Variants in KCNA2 observed in about 807,000 individuals in gnomAD.
KCNA2 encodes potassium channel, voltage gated shaker related subfamily A, member 2.
KCNA2 carries 11 observed loss-of-function variants against 33.4 expected under a neutral mutation model. The ratio of observed to expected loss-of-function variants is 0.33; its 90% CI spans 0.21 to 0.55. The LOEUF is 0.55. Ranked by LOEUF, KCNA2 falls within the 20% of genes least tolerant of loss-of-function variation. KCNA2 has a pLI of 0.93. For missense variants in KCNA2, 291 were observed against 621.6 expected (o/e 0.47, Z 5.66); for synonymous variants, 222 against 231.3 (o/e 0.96, Z 0.37).
In KCNA2 at chr1:110,600,282, C is replaced by T. The variant is rs555461182; in HGVS notation, c.*3001G>A. ...TAAGTTAATGCATCGTGTGTATATA[C>T]TGAGTTTGTGTGTATTTTATGTGTA... On this transcript the variant is annotated 3_prime_UTR_variant, in exon 3 of 3. Transcript: ENST00000316361. 2 of 982,510 alleles carry T rather than the reference C, an allele frequency of 2.0e-6. No homozygotes were observed. The highest frequency in any genetic ancestry group is 2.4e-6 in the Non-Finnish European group (2 of 829,410). The allele number at this position is 982,510 out of a possible 1,614,324, so 60.9% of individuals were successfully genotyped here. A position where few individuals can be genotyped will look rare whatever the true frequency, so the allele number is the denominator to read the frequency against.
intron 1 of KCNA2, among the ~76,000 whole-genome samples, chr1:110,622,895 ACTT>A (rs762617223): frequency 6.6e-6 from 1 of 152,234 alleles, no homozygotes; most frequent in African/African-American, 2.4e-5. Context: ...TCAAGACATC[ACTT>A]CTTCTTAAAT....
At chr1:110,607,183 C>T (rs1390820688), upstream of KCNA2, 1 of 152,206 alleles carries the variant, frequency 6.6e-6, no homozygotes, top group Non-Finnish European at 1.5e-5. Context: ...TGCCCCGCAG[C>T]CCCTCTGGGC....
chr1:110,623,837 T>G (rs1233898447), intron 1 of KCNA2, among the ~76,000 whole-genome samples: 1 of 151,640 alleles, frequency 6.6e-6, no homozygotes, highest in Non-Finnish European at 1.5e-5. Context: ...CATATACTAA[T>G]GGATAATAAG....
rs546200897 is a variant in KCNA2 at position 110,605,877 on chromosome 1, T to C, written c.-495-155A>G. ...GCCTGAGGACTATCCCTCAGCCTCC[T>C]TGCCTCTTCTGGGCAGGCTTCCCAT... On this transcript the variant is annotated intron_variant, in intron 1 of 2. Transcript: ENST00000316361. 4.9e-3 allele frequency: 749 copies of C among 152,376 alleles called. 5 individuals are homozygous for C. Among genetic ancestry groups the C allele is most frequent in the Non-Finnish European group, 6.8e-3 (464 of 68,066 alleles). 9.4% of individuals were successfully genotyped at this position (152,376 alleles called of 1,614,324 possible).
chr1:110,616,351 G>A (rs1298045208), intron 1 of KCNA2, among the ~76,000 whole-genome samples: 1 of 152,192 alleles, frequency 6.6e-6, no homozygotes, highest in Non-Finnish European at 1.5e-5. Flanking sequence ...CAGTTGTCAG[G>A]TCAGCTCTGT....
chr1:110,618,346 G>A (rs552705410), intron 1 of KCNA2, among the ~76,000 whole-genome samples: 2 of 152,306 alleles, frequency 1.3e-5, no homozygotes, highest in South Asian at 4.1e-4. Context: ...CTGTCAGTGT[G>A]TGAGAAAAGG....
At position 110,599,503 on chromosome 1, in the gene KCNA2, C is replaced by T; in HGVS notation, c.*3780G>A. The T allele has an allele frequency of 2.0e-6, 2 of 985,204 alleles. No homozygotes were observed. 61.0% of individuals were successfully genotyped at this position (985,204 alleles called of 1,614,324 possible). On this transcript the variant is annotated 3_prime_UTR_variant, in exon 3 of 3. Transcript: ENST00000316361. Reference sequence around the variant, plus strand: ...AAGAGCGTGCCCGGGATTGAACACACCCAGAGGGGAATCAGGAGTTGGCCC... The same window carrying T: ...AAGAGCGTGCCCGGGATTGAACACATCCAGAGGGGAATCAGGAGTTGGCCC...
chr1:110,600,187 T>C lies in KCNA2; in HGVS notation c.*3096A>G, dbSNP rs1649276098. 5 of 983,656 alleles carry C rather than the reference T, an allele frequency of 5.1e-6. No individual in the cohort carries two copies. The highest frequency in any genetic ancestry group is 4.8e-6 in the Non-Finnish European group (4 of 829,650). The allele number at this position is 983,656 out of a possible 1,614,324, so 60.9% of individuals were successfully genotyped here. A position where few individuals can be genotyped will look rare whatever the true frequency, so the allele number is the denominator to read the frequency against. On this transcript the variant is annotated 3_prime_UTR_variant, in exon 3 of 3. Transcript: ENST00000316361. ...GGGGGCAGGGCAATGGGTCTGAGTA[T>C]ATGTCTGCATTTCATGTGTATTGTG...
intron 1 of KCNA2, among the ~76,000 whole-genome samples, chr1:110,617,341 G>C (rs1177792479): frequency 6.6e-6 from 1 of 152,222 alleles, no homozygotes; most frequent in African/African-American, 2.4e-5. Context: ...GGAGTGCCAG[G>C]AGCGAGCAGT....
intron 1 of KCNA2, among the ~76,000 whole-genome samples, chr1:110,628,817 C>A (rs1193883211): frequency 6.6e-6 from 1 of 152,156 alleles, no homozygotes; most frequent in Non-Finnish European, 1.5e-5. Flanking sequence ...CTCCCCCAAC[C>A]AGATCCTTCA....
chr1:110,626,204 G>T (rs1444332795), intron 1 of KCNA2, among the ~76,000 whole-genome samples: 2 of 152,156 alleles, frequency 1.3e-5, no homozygotes, highest in East Asian at 3.8e-4. Flanking sequence ...CAGCCCAAGT[G>T]TCTATCACTA....
Position 110,599,846 on chromosome 1 carries a change from G to A in KCNA2, c.*3437C>T. On this transcript the variant is annotated 3_prime_UTR_variant, in exon 3 of 3. Transcript: ENST00000316361. Reference sequence around the variant, plus strand: ...GTGCGGATTTGCTGGAAGGAAGGAAGGGTCATGGCAAGGAGGCCTATATTA... The same window carrying A: ...GTGCGGATTTGCTGGAAGGAAGGAAAGGTCATGGCAAGGAGGCCTATATTA... 9 of 985,466 alleles carry A rather than the reference G, an allele frequency of 9.1e-6. No homozygotes were observed. Among genetic ancestry groups the A allele is most frequent in the Non-Finnish European group, 9.6e-6 (8 of 829,996 alleles). The allele number at this position is 985,466 out of a possible 1,614,324, so 61.0% of individuals were successfully genotyped here.
chr1:110,611,240 C>A (rs1000817210), upstream of KCNA2, among the ~76,000 whole-genome samples: 5 of 152,212 alleles, frequency 3.3e-5, no homozygotes, highest in African/African-American at 1.2e-4. Context: ...CATTTGAGAA[C>A]TTCCCTTGGA....
Position 110,627,969 on chromosome 1 carries a change from C to T in KCNA2, c.-496+3426G>A, listed in dbSNP as rs72681752. The stretch of plus-strand genomic sequence containing the variant: ...GTACTGAAAGTAGTGCAATGCAATG[C>T]GGGAAACATATTTAGAGGGACTACT... On this transcript the variant is annotated intron_variant, in intron 1 of 4. Coordinates refer to the KCNA2 transcript ENST00000369770. 7.9e-3 allele frequency among the ~76,000 whole-genome samples: 1,195 copies of T among 152,176 alleles called. 9 individuals carry two copies. Among genetic ancestry groups the T allele is most frequent in the Non-Finnish European group, 0.014 (937 of 68,010 alleles).
chr1:110,620,053 CGAGAGA>C (rs3050013), intron 1 of KCNA2, among the ~76,000 whole-genome samples: 2,169 of 126,824 alleles, frequency 0.017, 33 homozygotes, highest in African/African-American at 0.042. Context: ...AGAGCGAGAG[CGAGAGA>C]GAGAGAGAGA....
At chr1:110,631,304 A>G (rs1650554881) in intron 1 of KCNA2, 1 of 151,886 alleles carries the variant, frequency 6.6e-6, no homozygotes. Context: ...CCTACCAGTC[A>G]CCTCCTGTTC....
intron 1 of KCNA2, among the ~76,000 whole-genome samples, chr1:110,622,388 A>G (rs967196245): frequency 2.6e-5 from 4 of 152,176 alleles, no homozygotes; most frequent in Non-Finnish European, 5.9e-5. Flanking sequence ...AGCCAACATT[A>G]TACTTAATGA....
At chr1:110,611,635 A>G (rs1649875929) in intron 1 of KCNA2, among the ~76,000 whole-genome samples, 1 of 150,766 alleles carries the variant, frequency 6.6e-6, no homozygotes, top group Admixed American at 6.6e-5. Flanking sequence ...CTAAGTTGAG[A>G]GGATCATTTG....
chr1:110,629,944 T>A (rs1650504183), intron 1 of KCNA2, among the ~76,000 whole-genome samples: 1 of 151,006 alleles, frequency 6.6e-6, no homozygotes, highest in Non-Finnish European at 1.5e-5. Context: ...TAGGTTTGAC[T>A]GGAAGAAGCG....
Sources: allele counts gnomAD v4.1 joint callset (sites outside exome capture counted in the v4.1 genomes callset), GRCh38; gene constraint gnomAD v4.1.1; transcripts MANE v1.5; gene names NCBI Gene and HGNC (gene_info 2026-07-23, HGNC 2026-07-21).